The following SLC43A1 variants were observed in gnomAD, a reference collection of about 807,000 sequenced individuals.
The protein encoded by SLC43A1 is large neutral amino acids transporter small subunit 3.
A neutral mutation model predicts 59.5 loss-of-function variants in SLC43A1; 31 were observed. That is an observed-to-expected ratio of 0.52 (90% CI 0.39 to 0.70). SLC43A1 has a LOEUF of 0.70. Ranked by LOEUF, SLC43A1 falls within the 30% of genes least tolerant of loss-of-function variation. The probability of loss-of-function intolerance (pLI) is 0.00; values close to 1 mark genes in which losing one functional copy is unlikely to be tolerated. For synonymous variants in SLC43A1, 259 were observed against 290.9 expected (o/e 0.89, Z 1.12); for missense variants, 598 against 717.8 (o/e 0.83, Z 1.91).
rs1443609500 is a variant in SLC43A1 at position 57,494,060 on chromosome 11, C to T, written c.804G>A (p.Leu268=). Residue 268 remains leucine (L), a synonymous_variant, in exon 8 of 15, where the codon CTG becomes CTA. Transcript: ENST00000278426. ...GQRLSQKAPS[L]EDGSDAFMSP... ...ACATGAAGGCATCCGAACCGTCCTC[C>T]AGGCTGGGGGCCTTCTGGCTGAGCC... The T allele has an allele frequency of 6.2e-7, 1 of 1,611,342 alleles. No homozygotes were observed.
At position 57,493,884 on chromosome 11, in the gene SLC43A1, T is replaced by C. The variant is rs569701495; in HGVS notation, c.871+109A>G. On this transcript the variant is annotated intron_variant, in intron 8 of 14. Coordinates refer to ENST00000278426, the MANE Select transcript of SLC43A1 (RefSeq NM_003627.6). Reference sequence around the variant, plus strand: ...ATGCCCCACCTACATCATGGGGTGTTGTAAGGACTGAAGAGGGGTGCGAAT... The same window carrying C: ...ATGCCCCACCTACATCATGGGGTGTCGTAAGGACTGAAGAGGGGTGCGAAT... 3 of 1,062,014 alleles carry C rather than the reference T, an allele frequency of 2.8e-6. 1 individual carries two copies. In the South Asian group the frequency reaches 5.3e-5, roughly 19 times the overall value. The allele number at this position is 1,062,014 out of a possible 1,614,324, so 65.8% of individuals were successfully genotyped here.
In SLC43A1 at chr11:57,496,155, C is replaced by T. The variant is rs200711356; in HGVS notation, c.568G>A (p.Asp190Asn). Reference protein sequence around the residue: ...ITFPGIKLIYDAGVAFVVIMF... With the variant: ...ITFPGIKLIYNAGVAFVVIMF... ...ATGACCACGAAGGCCACACCGGCATCGTAGATCAGCTGTGAGAGGAGGGGG... is the reference window on the plus strand; with the variant it reads ...ATGACCACGAAGGCCACACCGGCATTGTAGATCAGCTGTGAGAGGAGGGGG... The change falls in exon 7 of 15, where the codon GAT (aspartate) becomes AAT (asparagine). Residue 190 changes from aspartate (D) to asparagine (N), a missense_variant. Physicochemically the swap from Asp to Asn is conservative, Grantham distance 23. Coordinates refer to ENST00000278426, the MANE Select transcript of SLC43A1 (RefSeq NM_003627.6). 87 of 1,613,884 alleles carry T rather than the reference C, an allele frequency of 5.4e-5. 1 individual carries two copies. The highest frequency in any genetic ancestry group is 3.3e-4 in the Middle Eastern group (2 of 6,060).
At position 57,511,440 on chromosome 11, in the gene SLC43A1, A is replaced by T. The variant is rs534378970; in HGVS notation, c.154+2518T>A. ...GAGAGACCCTGTCTCAAAAAAATTAAAAAAAAAAAGTCCAGAAGAACATTT... is the reference window on the plus strand; with the variant it reads ...GAGAGACCCTGTCTCAAAAAAATTATAAAAAAAAAGTCCAGAAGAACATTT... On this transcript the variant is annotated intron_variant, in intron 2 of 14. Coordinates refer to ENST00000278426, the MANE Select transcript of SLC43A1 (RefSeq NM_003627.6). Among the ~76,000 whole-genome samples, 110 of 149,938 alleles carry T rather than the reference A, an allele frequency of 7.3e-4. 1 individual carries two copies. In the South Asian group the frequency reaches 0.021, roughly 29 times the overall value.
chr11:57,485,376 G>C (rs1943702127), intron 14 of SLC43A1, 134 bp from the exon 15 acceptor site: 1 of 821,814 alleles, frequency 1.2e-6, no homozygotes, highest in Non-Finnish European at 1.9e-6. Context: ...ATTATGTGTA[G>C]TCATTGTTCC....
At position 57,485,122 on chromosome 11, in the gene SLC43A1, G is replaced by T. The variant is rs1352292174; in HGVS notation, c.1654C>A (p.Leu552Ile). 2 of 1,614,072 alleles carry T rather than the reference G, an allele frequency of 1.2e-6. No homozygotes were observed. The highest frequency in any genetic ancestry group is 2.2e-5 in the South Asian group (2 of 91,074). The change falls in exon 15 of 15, where the codon CTT becomes ATT. Residue 552 changes from leucine to isoleucine, a missense_variant. Leu to Ile is a conservative substitution (Grantham distance 5, BLOSUM62 2). Coordinates refer to ENST00000278426, the MANE Select transcript of SLC43A1 (RefSeq NM_003627.6). ...TATGCGGTCACCTCAGAGCCGCTAA[G>T]CACCTTCAGTGGGCCCATCCCATTG... Reference protein sequence around the residue: ...AANGMGPLKVLSGSEVTA With the variant: ...AANGMGPLKVISGSEVTA
rs1220968950 is a variant in SLC43A1 at position 57,493,980 on chromosome 11, AC to A, written c.871+12del. ...ACTATCCCCCAAGGCCGGCACCTTG[AC>A]CAGACACTCACTCTCAGGAAGGTTT... On this transcript the variant is annotated intron_variant, in intron 8 of 14. Coordinates refer to ENST00000278426, the MANE Select transcript of SLC43A1 (RefSeq NM_003627.6). 6.3e-7 allele frequency: 1 copy of A among 1,575,452 alleles called. No homozygotes were observed. Among genetic ancestry groups the A allele is most frequent in the Admixed American group, 1.9e-5 (1 of 51,308 alleles).
chr11:57,497,860 C>T lies in SLC43A1; in HGVS notation c.466-15G>A. 1 of 1,607,572 alleles carries T rather than the reference C, an allele frequency of 6.2e-7. No individual in the cohort carries two copies. The highest frequency in any genetic ancestry group is 8.5e-7 in the Non-Finnish European group (1 of 1,175,622). On this transcript the variant is annotated splice_polypyrimidine_tract_variant and intron_variant, in intron 5 of 14. Coordinates refer to ENST00000278426, the MANE Select transcript of SLC43A1 (RefSeq NM_003627.6). ...ATGTTGGGCAGCTGAGGAGGGAAAGCAGCACCCATGAGGTGGGGACACCGT... is the reference window on the plus strand; with the variant it reads ...ATGTTGGGCAGCTGAGGAGGGAAAGTAGCACCCATGAGGTGGGGACACCGT...
At chr11:57,501,723 G>C (rs780840930) in intron 2 of SLC43A1, among the ~76,000 whole-genome samples, 1 of 152,178 alleles carries the variant, frequency 6.6e-6, no homozygotes, top group African/African-American at 2.4e-5. Context: ...AAAATGGCCC[G>C]GCGTGGTAGT....
intron 2 of SLC43A1, among the ~76,000 whole-genome samples, chr11:57,507,934 T>C (rs1297431454): frequency 6.6e-6 from 1 of 152,224 alleles, no homozygotes; most frequent in Non-Finnish European, 1.5e-5. Context: ...AGGTATGGAT[T>C]ACTAGTCCCA....
Position 57,500,794 on chromosome 11 carries a change from C to T in SLC43A1, c.450G>A (p.Thr150=), listed in dbSNP as rs758902505. ...SLNGFGGICL[T]FTSLTLPNMF... The stretch of plus-strand genomic sequence containing the variant: ...TGACACTCACCGTGAGTGAAGTGAA[C>T]GTTAGGCAGATGCCACCAAAGCCAT... The change falls in exon 5 of 15, where the codon ACG becomes ACA. Residue 150 remains threonine, a synonymous_variant. Coordinates refer to ENST00000278426, the MANE Select transcript of SLC43A1 (RefSeq NM_003627.6). 8 of 1,614,172 alleles carry T rather than the reference C, an allele frequency of 5.0e-6. No individual in the cohort carries two copies. The East Asian group carries it at 6.7e-5, about 13-fold the overall frequency.
At position 57,504,021 on chromosome 11, in the gene SLC43A1, A is replaced by G. The variant is rs56970823; in HGVS notation, c.155-2692T>C. ...ATCCTGGCTAACACGGTGAAACCCCATCTCTACTAAAAATACAAAAAAAAA... is the reference window on the plus strand; with the variant it reads ...ATCCTGGCTAACACGGTGAAACCCCGTCTCTACTAAAAATACAAAAAAAAA... On this transcript the variant is annotated intron_variant, in intron 2 of 14. Coordinates refer to ENST00000278426, the MANE Select transcript of SLC43A1 (RefSeq NM_003627.6). Among the ~76,000 whole-genome samples, 692 of 151,946 alleles carry G rather than the reference A, an allele frequency of 4.6e-3. 9 individuals are homozygous for G. Among genetic ancestry groups the G allele is most frequent in the East Asian group, 0.025 (127 of 5,146 alleles).
chr11:57,494,822 A>G (rs938406137), intron 7 of SLC43A1, among the ~76,000 whole-genome samples: 1 of 152,044 alleles, frequency 6.6e-6, no homozygotes, highest in African/African-American at 2.4e-5. Flanking sequence ...CCAAACCCAG[A>G]AAGGATGAAA....
Position 57,514,951 on chromosome 11 carries a change from C to A in SLC43A1, c.-14+493G>T. ...GTGTTTACCAAAGGGAGGGAAAGAG[C>A]CCCAGCTCCCCCCGCCGCGGCCGCT... is the stretch of plus-strand genomic sequence containing the variant. On this transcript the variant is annotated intron_variant, in intron 1 of 14. Transcript: ENST00000278426. The surrounding 1 kb of genome is among the most constrained non-coding windows in gnomAD (Gnocchi z 5.5). The A allele has an allele frequency of 1.0e-6, 1 of 967,276 alleles. No homozygotes were observed. Among genetic ancestry groups the A allele is most frequent in the Non-Finnish European group, 1.2e-6 (1 of 813,588 alleles). 59.9% of individuals were successfully genotyped at this position (967,276 alleles called of 1,614,324 possible). A position where few individuals can be genotyped will look rare whatever the true frequency, so the allele number is the denominator to read the frequency against.
intron 8 of SLC43A1, among the ~76,000 whole-genome samples, chr11:57,493,040 G>A (rs1323897784): frequency 1.3e-5 from 2 of 152,036 alleles, no homozygotes; most frequent in Non-Finnish European, 2.9e-5. Context: ...GCTCCATCTC[G>A]GGGCGGGGGG....
chr11:57,507,510 G>A (rs974770283), intron 2 of SLC43A1, among the ~76,000 whole-genome samples: 17 of 152,098 alleles, frequency 1.1e-4, no homozygotes, highest in Non-Finnish European at 1.9e-4. Context: ...GTGCGTGGTG[G>A]TACATGCCTG....
chr11:57,514,166 C>A lies in SLC43A1; in HGVS notation c.-13-42G>T. ...CGCTGGGTGAAGGGCCCCCCAGTGGCCCCAGGGAAGGGTCCTGCATCATGG... is the reference window on the plus strand; with the variant it reads ...CGCTGGGTGAAGGGCCCCCCAGTGGACCCAGGGAAGGGTCCTGCATCATGG... On this transcript the variant is annotated intron_variant, in intron 1 of 14. Transcript: ENST00000278426. This position sits in a 1 kb window ranked among gnomAD's most constrained non-coding sequence, Gnocchi z 5.5. 6.6e-7 allele frequency: 1 copy of A among 1,522,350 alleles called. No individual in the cohort carries two copies. The highest frequency in any genetic ancestry group is 1.2e-5 in the South Asian group (1 of 80,454). 94.3% of individuals were successfully genotyped at this position (1,522,350 alleles called of 1,614,324 possible). A position where few individuals can be genotyped will look rare whatever the true frequency, so the allele number is the denominator to read the frequency against.
At chr11:57,490,348 C>T (rs1341096109) in intron 11 of SLC43A1, among the ~76,000 whole-genome samples, 1 of 151,862 alleles carries the variant, frequency 6.6e-6, no homozygotes, top group East Asian at 1.9e-4. Flanking sequence ...GGTCTCCAGC[C>T]AACAAGACAG....
At chr11:57,490,231 C>T (rs1341654487) in intron 11 of SLC43A1, among the ~76,000 whole-genome samples, 1 of 151,914 alleles carries the variant, frequency 6.6e-6, no homozygotes, top group Non-Finnish European at 1.5e-5. Context: ...ATCGCTTGAA[C>T]CTGGGAGGCA....
At chr11:57,512,652 C>A (rs1158497682) in intron 2 of SLC43A1, among the ~76,000 whole-genome samples, 1 of 152,018 alleles carries the variant, frequency 6.6e-6, no homozygotes, top group Non-Finnish European at 1.5e-5. Context: ...CCATGTGGGT[C>A]CCTAATAGCC....
Sources: allele counts gnomAD v4.1 joint callset (sites outside exome capture counted in the v4.1 genomes callset), GRCh38; gene constraint gnomAD v4.1.1; non-coding constraint Gnocchi (gnomAD v3.1); transcripts MANE v1.5; gene names NCBI Gene and HGNC (gene_info 2026-07-23, HGNC 2026-07-21).